The following CUX1 variants were observed in gnomAD, a reference collection of about 807,000 sequenced individuals.
The protein encoded by CUX1 is cut like homeobox 1, also known as protein CASP.
In CUX1, 31 loss-of-function variants were observed where a neutral mutation model predicts 158.8. The observed-to-expected ratio is 0.20, with a 90% CI of 0.15 to 0.26. The LOEUF (loss-of-function observed/expected upper bound fraction) is 0.26, where lower values mean the gene tolerates loss of function less well. CUX1 is among the 10% of genes least tolerant of loss of function. The pLI, the probability that CUX1 is intolerant of heterozygous loss-of-function variation, is 1.00. For synonymous variants in CUX1, 879 were observed against 862.1 expected (o/e 1.02, Z -0.34); for missense variants, 1,589 against 2,014.6 (o/e 0.79, Z 4.04).
downstream of CUX1, among the ~76,000 whole-genome samples, chr7:102,260,519 G>T (rs1395473211): frequency 4.1e-5 from 6 of 146,456 alleles, no homozygotes; most frequent in Non-Finnish European, 7.5e-5. Context: ...CGATTCTCCT[G>T]CCTCCGCCTC....
intron 20 of CUX1, chr7:102,280,925 T>C (rs1792017772): frequency 2.7e-6 from 4 of 1,485,280 alleles, no homozygotes; most frequent in Middle Eastern, 3.4e-4. Context: ...CAGGCACCTC[T>C]TCACCTGCCC....
intron 4 of CUX1, among the ~76,000 whole-genome samples, chr7:102,094,241 T>C (rs1418465778): frequency 6.6e-6 from 1 of 152,268 alleles, no homozygotes; most frequent in Non-Finnish European, 1.5e-5. Flanking sequence ...ATTCAAATGC[T>C]GTAGGCATTT....
At chr7:102,027,131 T>C (rs1820131594) in intron 2 of CUX1, among the ~76,000 whole-genome samples, 1 of 152,150 alleles carries the variant, frequency 6.6e-6, no homozygotes, top group Admixed American at 6.6e-5. Flanking sequence ...ATGCCTGTAA[T>C]CCCAGCACTT....
chr7:101,881,827 G>T (rs1799740035), intron 1 of CUX1, among the ~76,000 whole-genome samples: 1 of 152,138 alleles, frequency 6.6e-6, no homozygotes, highest in Non-Finnish European at 1.5e-5. Flanking sequence ...GTGGAAAAAT[G>T]CTATTGGTTT....
intron 3 of CUX1, among the ~76,000 whole-genome samples, chr7:102,059,253 C>G (rs1824493732): frequency 6.6e-6 from 1 of 152,120 alleles, no homozygotes; most frequent in African/African-American, 2.4e-5. Context: ...TGTGCTGTCC[C>G]CTGCCACAAA....
intron 20 of CUX1, among the ~76,000 whole-genome samples, chr7:102,216,788 ACACT>A (rs1797242761): frequency 2.4e-5 from 1 of 42,128 alleles, no homozygotes; most frequent in African/African-American, 5.1e-5. Context: ...TCCCACACAC[ACACT>A]CTCCCACACA....
chr7:102,156,207 G>T (rs1261694086), intron 8 of CUX1, among the ~76,000 whole-genome samples: 3 of 152,096 alleles, frequency 2.0e-5, no homozygotes, highest in Non-Finnish European at 4.4e-5. Context: ...CAGCGTCCAG[G>T]GTGTACCTTA....
At chr7:102,275,329 C>T (rs1554547489) in exon 17 of CUX1, 2 of 1,612,932 alleles carry the variant, frequency 1.2e-6, no homozygotes, top group East Asian at 2.2e-5. Flanking sequence ...AGAGGGAGCG[C>T]TTCCGTGCCC....
chr7:102,278,032 G>A, exon 18 of CUX1: 1 of 1,610,550 alleles, frequency 6.2e-7, no homozygotes, highest in Non-Finnish European at 8.5e-7. Flanking sequence ...AGCTCTTTGA[G>A]AAGATCAAGT....
In CUX1 at chr7:102,073,352, TA is replaced by T. The variant is rs1224548073; in HGVS notation, c.268+2936del. ...CGACACCCAGCTAATTTTTGTACTT[TA>T]GTAGAGACGGGGTTTCGCCATGTTG... On this transcript the variant is annotated intron_variant, in intron 4 of 23. Coordinates refer to ENST00000292535, the MANE Select transcript of CUX1 (RefSeq NM_181552.4). Among the ~76,000 whole-genome samples, 6 of 151,732 alleles carry T rather than the reference TA, an allele frequency of 4.0e-5. No individual in the cohort carries two copies. The South Asian group carries it at 8.4e-4, about 21-fold the overall frequency.
chr7:101,936,524 T>G (rs1806957256), intron 2 of CUX1, among the ~76,000 whole-genome samples: 1 of 152,090 alleles, frequency 6.6e-6, no homozygotes, highest in Non-Finnish European at 1.5e-5. Context: ...CCCTGGGAGT[T>G]TTCCCGGATA....
rs992898971 is a variant in CUX1 at position 102,257,254 on chromosome 7, C to G, written c.*8212C>G. The G allele has an allele frequency of 1.4e-5, 14 of 985,178 alleles. No homozygotes were observed. Among genetic ancestry groups the G allele is most frequent in the Admixed American group, 6.2e-5 (1 of 16,256 alleles). 61.0% of individuals were successfully genotyped at this position (985,178 alleles called of 1,614,324 possible). The stretch of plus-strand genomic sequence containing the variant: ...TTGCCGGGGGCCCTGATTTTGTTCT[C>G]TCTTTGAAAGAAACCCTCCACCGAA... On this transcript the variant is annotated 3_prime_UTR_variant, in exon 24 of 24. Transcript: ENST00000292535.
At chr7:102,221,145 T>C (rs2132278929) in intron 20 of CUX1, among the ~76,000 whole-genome samples, 1 of 152,298 alleles carries the variant, frequency 6.6e-6, no homozygotes, top group Admixed American at 6.5e-5. Context: ...TGGCTTGGCA[T>C]GGGCTCAAAG....
intron 3 of CUX1, among the ~76,000 whole-genome samples, chr7:102,063,411 C>A (rs7796231): frequency 3.8e-5 from 5 of 130,138 alleles, no homozygotes; most frequent in Admixed American, 2.5e-4. Context: ...TTTTTTGAGA[C>A]GGAGTCTCAC....
At chr7:102,082,944 T>C (rs1321536487) in intron 4 of CUX1, among the ~76,000 whole-genome samples, 1 of 147,706 alleles carries the variant, frequency 6.8e-6, no homozygotes, top group East Asian at 1.9e-4. Context: ...ATGTTTTTAT[T>C]TCCCTTAGGC....
chr7:102,139,244 TAAA>T (rs11459794), intron 8 of CUX1, among the ~76,000 whole-genome samples: 2 of 93,166 alleles, frequency 2.1e-5, no homozygotes, highest in Admixed American at 1.3e-4. Flanking sequence ...GACTACATCT[TAAA>T]AAAAAAAAAA....
At chr7:101,928,932 A>G (rs1290282217) in intron 2 of CUX1, among the ~76,000 whole-genome samples, 4 of 151,630 alleles carry the variant, frequency 2.6e-5, no homozygotes, top group African/African-American at 9.7e-5. Flanking sequence ...GGCCTCCCAA[A>G]GTGCTGAGAT....
intron 2 of CUX1, among the ~76,000 whole-genome samples, chr7:101,934,654 G>C (rs757239726): frequency 3.9e-5 from 6 of 152,046 alleles, no homozygotes; most frequent in Non-Finnish European, 8.8e-5. Flanking sequence ...CTCCGTCCAC[G>C]TCCTGTCCTC....
intron 3 of CUX1, among the ~76,000 whole-genome samples, chr7:102,030,691 G>GTTTTTTGTTTTTTGTTTTTTGTTTT (rs1554459486): frequency 8.4e-5 from 10 of 119,386 alleles, no homozygotes; most frequent in African/African-American, 3.1e-4. Flanking sequence ...TTTAAAAAGT[G>GTTTTTTGTTTTTTGTTTTTTGTTTT]TTTTTTTTTT....
Sources: allele counts gnomAD v4.1 joint callset (sites outside exome capture counted in the v4.1 genomes callset), GRCh38; gene constraint gnomAD v4.1.1; transcripts MANE v1.5; gene names NCBI Gene and HGNC (gene_info 2026-07-23, HGNC 2026-07-21).